Variants in SMOC1 observed in about 807,000 individuals in gnomAD.
SMOC1 encodes SPARC-related modular calcium-binding protein 1.
In SMOC1, 22 loss-of-function variants were observed where a neutral mutation model predicts 56.3. The ratio of observed to expected loss-of-function variants is 0.39; its 90% CI spans 0.28 to 0.56. The LOEUF (loss-of-function observed/expected upper bound fraction) is 0.56. Ranked by LOEUF, SMOC1 falls within the 20% of genes least tolerant of loss-of-function variation. The pLI, the probability that SMOC1 is intolerant of heterozygous loss-of-function variation, is 0.61. For missense variants in SMOC1, 509 were observed against 565.4 expected (o/e 0.90, Z 1.01); for synonymous variants, 193 against 215.0 (o/e 0.90, Z 0.89).
chr14:69,950,698 T>C (rs1006502814), intron 1 of SMOC1, among the ~76,000 whole-genome samples: 1 of 152,226 alleles, frequency 6.6e-6, no homozygotes, highest in Non-Finnish European at 1.5e-5. Context: ...TACAATCTAA[T>C]CATGGGTTAT....
At position 69,967,730 on chromosome 14, in the gene SMOC1, A is replaced by G. The variant is rs184873829; in HGVS notation, c.379-7985A>G. ...TGGTACCATGAATCCTGTTTCATAG[A>G]TAGGCTCAGAGAGGTTAAGTGACTT... On this transcript the variant is annotated intron_variant, in intron 3 of 11. Coordinates refer to ENST00000361956, the MANE Select transcript of SMOC1 (RefSeq NM_001034852.3). Among the ~76,000 whole-genome samples, 72 of 152,346 alleles carry G rather than the reference A, an allele frequency of 4.7e-4. 1 individual carries two copies. The highest frequency in any genetic ancestry group is 1.7e-3 in the African/African-American group (71 of 41,578).
intron 3 of SMOC1, among the ~76,000 whole-genome samples, chr14:69,965,399 A>AATAATAATAATAATC (rs1212605422): frequency 2.0e-5 from 3 of 150,948 alleles, no homozygotes; most frequent in African/African-American, 7.3e-5. Flanking sequence ...TAATAATAAT[A>AATAATAATAATAATC]ATAATAAAAA....
chr14:70,031,530 C>T lies in SMOC1; in HGVS notation c.*1272C>T, dbSNP rs1886151276. 6.6e-6 allele frequency: 1 copy of T among 152,214 alleles called. No homozygotes were observed. Among genetic ancestry groups the T allele is most frequent in the Non-Finnish European group, 1.5e-5 (1 of 68,040 alleles). The allele number at this position is 152,214 out of a possible 1,614,324, so 9.4% of individuals were successfully genotyped here. A position where few individuals can be genotyped will look rare whatever the true frequency, so the allele number is the denominator to read the frequency against. On this transcript the variant is annotated 3_prime_UTR_variant, in exon 12 of 12. Coordinates refer to ENST00000361956, the MANE Select transcript of SMOC1 (RefSeq NM_001034852.3). ...TTCCCTCAAGTTTTCTTATGGGCTT[C>T]CAGGCTTTAAGCTAATTCCAGAAGT...
chr14:69,898,712 C>A (rs1000637297), intron 1 of SMOC1, among the ~76,000 whole-genome samples: 6 of 152,122 alleles, frequency 3.9e-5, no homozygotes, highest in African/African-American at 1.4e-4. Flanking sequence ...TCCATTAGAG[C>A]CCTTAGCATA....
chr14:69,987,798 C>T (rs1884420050), intron 5 of SMOC1, among the ~76,000 whole-genome samples: 1 of 152,116 alleles, frequency 6.6e-6, no homozygotes, highest in African/African-American at 2.4e-5. Context: ...AAGTGACTTC[C>T]AGCTGTCTGT....
At chr14:70,006,095 C>G (rs7160726) in intron 7 of SMOC1, among the ~76,000 whole-genome samples, 67,132 of 151,894 alleles carry the variant, frequency 0.44, 15,078 homozygotes, top group Admixed American at 0.5. Flanking sequence ...ATTTTAAGAC[C>G]CATTTGGGAT....
chr14:69,889,125 T>G (rs994002258), intron 1 of SMOC1, among the ~76,000 whole-genome samples: 2 of 152,216 alleles, frequency 1.3e-5, no homozygotes, highest in African/African-American at 4.8e-5. Context: ...ATATGAATGT[T>G]AATAGCCACA....
At chr14:69,940,586 T>C (rs534873619) in intron 1 of SMOC1, among the ~76,000 whole-genome samples, 1 of 152,182 alleles carries the variant, frequency 6.6e-6, no homozygotes, top group Non-Finnish European at 1.5e-5. Context: ...GGCAGGACGC[T>C]TAGAACCAAA....
intron 10 of SMOC1, among the ~76,000 whole-genome samples, chr14:70,018,131 A>C (rs757768542): frequency 2.0e-5 from 3 of 152,140 alleles, no homozygotes; most frequent in African/African-American, 4.8e-5. Flanking sequence ...GATGCAGGGC[A>C]GAAGGGAGCT....
At chr14:69,940,584 G>T (rs533162831) in intron 1 of SMOC1, among the ~76,000 whole-genome samples, 8 of 152,034 alleles carry the variant, frequency 5.3e-5, no homozygotes, top group Non-Finnish European at 8.8e-5. Flanking sequence ...AGGGCAGGAC[G>T]CTTAGAACCA....
chr14:69,923,527 G>A (rs544271247), intron 1 of SMOC1, among the ~76,000 whole-genome samples: 8 of 152,218 alleles, frequency 5.3e-5, no homozygotes, highest in African/African-American at 1.9e-4. Flanking sequence ...GTCCTGCTCT[G>A]TTCTCTCTCA....
rs1228646147 is a variant in SMOC1, at chr14:70,031,628, C to T, written c.*1370C>T. On this transcript the variant is annotated 3_prime_UTR_variant, in exon 12 of 12. Transcript: ENST00000361956. ...GTGATAACCCAGCTACAGGGAAATC[C>T]CGGCCCAGCTTTCCACAGGCATCAC... 1.3e-5 allele frequency: 2 copies of T among 152,268 alleles called. No homozygotes were observed. The highest frequency in any genetic ancestry group is 2.9e-5 in the Non-Finnish European group (2 of 68,098). The allele number at this position is 152,268 out of a possible 1,614,324, so 9.4% of individuals were successfully genotyped here.
At chr14:69,928,893 C>T (rs1207461212) in intron 1 of SMOC1, among the ~76,000 whole-genome samples, 1 of 152,138 alleles carries the variant, frequency 6.6e-6, no homozygotes, top group Non-Finnish European at 1.5e-5. Flanking sequence ...CAGTTGGGGT[C>T]AAGCCCCCAA....
intron 1 of SMOC1, among the ~76,000 whole-genome samples, chr14:69,922,927 G>A (rs899666738): frequency 1.3e-5 from 2 of 149,176 alleles, no homozygotes; most frequent in Admixed American, 1.3e-4. Context: ...CAGGGTCTCA[G>A]CCCTCTTTTT....
chr14:69,893,870 G>T (rs1884027451), intron 1 of SMOC1, among the ~76,000 whole-genome samples: 2 of 152,130 alleles, frequency 1.3e-5, no homozygotes, highest in Admixed American at 1.3e-4. Context: ...CTGTTACGGT[G>T]GGCCCTTAAT....
In SMOC1 at chr14:69,953,441, G is replaced by A. The variant is rs769894716; in HGVS notation, c.287G>A (p.Arg96His). ...TCAGATGCTGGCCAGAGCAAGTGTC[G>A]CCTGGAGCGGGCTCAAGCCCTGGAG... ...RCKDAGQSKC[R>H]LERAQALEQA... is the part of the protein sequence containing the mutation. The change falls in exon 3 of 12, where the codon CGC becomes CAC. Residue 96 changes from arginine to histidine, a missense_variant. By Grantham distance (29) the Arg-to-His change is conservative. Transcript: ENST00000361956. The A allele has an allele frequency of 5.0e-6, 8 of 1,614,198 alleles. No homozygotes were observed. The highest frequency in any genetic ancestry group is 3.3e-5 in the South Asian group (3 of 91,082).
intron 7 of SMOC1, among the ~76,000 whole-genome samples, chr14:69,999,138 C>A (rs540109148): frequency 5.3e-5 from 8 of 152,304 alleles, no homozygotes; most frequent in Admixed American, 6.5e-5. Flanking sequence ...TGTGTTTTCT[C>A]ATGTCACCTT....
chr14:69,942,575 T>TA (rs1882604407), intron 1 of SMOC1, among the ~76,000 whole-genome samples: 1 of 152,216 alleles, frequency 6.6e-6, no homozygotes, highest in Non-Finnish European at 1.5e-5. Context: ...CTTCTCTCCT[T>TA]ATCTCCAGTC....
intron 1 of SMOC1, among the ~76,000 whole-genome samples, chr14:69,931,827 G>A (rs1885173262): frequency 6.6e-6 from 1 of 152,202 alleles, no homozygotes; most frequent in South Asian, 2.1e-4. Flanking sequence ...TCCAGTTAAA[G>A]GACTACAGAC....
Sources: allele counts gnomAD v4.1 joint callset (sites outside exome capture counted in the v4.1 genomes callset), GRCh38; gene constraint gnomAD v4.1.1; transcripts MANE v1.5; gene names NCBI Gene and HGNC (gene_info 2026-07-23, HGNC 2026-07-21).